EFHD2: variants seen among roughly 807,000 people sequenced by gnomAD.
EFHD2 encodes the protein EF-hand domain-containing protein D2.
A neutral mutation model predicts 20.3 loss-of-function variants in EFHD2; 12 were observed. That is an observed-to-expected ratio of 0.59 (90% CI 0.38 to 0.96). The LOEUF is 0.96. EFHD2 is among the 40% of genes least tolerant of loss of function. The probability of loss-of-function intolerance (pLI) is 0.00; values close to 1 mark genes in which losing one functional copy is unlikely to be tolerated. For synonymous variants in EFHD2, 131 were observed against 143.9 expected, an observed-to-expected ratio of 0.91 and a Z score of 0.64; for missense variants, 250 against 334.3, an observed-to-expected ratio of 0.75 and a Z score of 1.97.
chr1:15,411,172 G>T (rs1405048525), intron 1 of EFHD2, among the ~76,000 whole-genome samples: 3 of 146,390 alleles, frequency 2.0e-5, no homozygotes, highest in Middle Eastern at 3.5e-3. Context: ...CTGTCGCAAG[G>T]CCCCCCATCT....
intron 2 of EFHD2, 134 bp from the exon 3 acceptor site, chr1:15,427,016 G>T (rs1376228301): frequency 5.6e-6 from 7 of 1,246,264 alleles, no homozygotes; most frequent in Middle Eastern, 2.8e-4. Context: ...GCAGCAAGGG[G>T]CGAGACCCAG....
At position 15,410,150 on chromosome 1, in the gene EFHD2, T is replaced by C. The variant is rs961832273; in HGVS notation, c.179T>C (p.Leu60Pro). Residue 60 changes from leucine (L) to proline (P), a missense_variant, in exon 1 of 4, where the codon CTG (leucine) becomes CCG (proline). By Grantham distance (98) the Leu-to-Pro change is moderately conservative (BLOSUM62 -3). Transcript: ENST00000375980. ...GACTGCGAGCTGAGCGCCAAGCTGCTGCGGCGCGCAGACCTCAACCAGGGC... is the reference window on the plus strand; with the variant it reads ...GACTGCGAGCTGAGCGCCAAGCTGCCGCGGCGCGCAGACCTCAACCAGGGC... Reference protein sequence around the residue: ...SADCELSAKLLRRADLNQGIG... With the variant: ...SADCELSAKLPRRADLNQGIG... 1 of 1,598,438 alleles carries C rather than the reference T, an allele frequency of 6.3e-7. No individual in the cohort carries two copies.
rs191368883 is a variant in EFHD2, at chr1:15,425,450, G to A, written c.309-421G>A. Among the ~76,000 whole-genome samples the A allele has an allele frequency of 3.0e-3, 458 of 152,050 alleles. 4 individuals are homozygous for A. The highest frequency in any genetic ancestry group is 4.2e-3 in the Non-Finnish European group (286 of 67,966). ...TGAGGCAGGAGAATCACTTGAACCC[G>A]GGAGGCGGAGGCTGCAGCGAGCCGA... is the stretch of plus-strand genomic sequence containing the variant. On this transcript the variant is annotated intron_variant, in intron 1 of 3. Coordinates refer to ENST00000375980, the MANE Select transcript of EFHD2 (RefSeq NM_024329.6).
chr1:15,425,140 G>C (rs928321964), intron 1 of EFHD2, among the ~76,000 whole-genome samples: 9 of 152,152 alleles, frequency 5.9e-5, no homozygotes, highest in Non-Finnish European at 7.3e-5. Flanking sequence ...TGTCCTCCAA[G>C]TGCCCATGGA....
chr1:15,418,639 C>CG lies in EFHD2; in HGVS notation c.309-7232_309-7231insG, dbSNP rs1553132496. On this transcript the variant is annotated intron_variant, in intron 1 of 3. Transcript: ENST00000375980. The stretch of plus-strand genomic sequence containing the variant: ...TAATAGTTCCAAAGCCAAGATAGGC[C>CG]CCCCCTTAAGTAAGCAATGAGCTTC... Among the ~76,000 whole-genome samples, 1,125 of 149,896 alleles carry CG rather than the reference C, an allele frequency of 7.5e-3. 18 individuals are homozygous for CG. The highest frequency in any genetic ancestry group is 0.024 in the African/African-American group (974 of 40,876).
At chr1:15,416,138 C>G (rs2496323) in intron 1 of EFHD2, among the ~76,000 whole-genome samples, 1,800 of 152,316 alleles carry the variant, frequency 0.012, 35 homozygotes, top group African/African-American at 0.041. Flanking sequence ...TTCCCCACAC[C>G]CCCGGCCCAG....
In EFHD2 at chr1:15,426,448, C is replaced by G. The variant is rs946257655; in HGVS notation, c.456+430C>G. Among the ~76,000 whole-genome samples the G allele has an allele frequency of 4.6e-5, 7 of 152,236 alleles. No individual in the cohort carries two copies. In the South Asian group the frequency reaches 1.0e-3, roughly 23 times the overall value. ...TCACGCCCAGGATCTCACTCCGAGA[C>G]AGGAGCTAGGGGCAAGCCGGTTTCG... On this transcript the variant is annotated intron_variant, in intron 2 of 3. Coordinates refer to ENST00000375980, the MANE Select transcript of EFHD2 (RefSeq NM_024329.6). This position sits in a 1 kb window ranked among gnomAD's most constrained non-coding sequence, Gnocchi z 4.6.
rs926563375 is a variant in EFHD2, at chr1:15,426,379, C to G, written c.456+361C>G. Among the ~76,000 whole-genome samples, 1 of 152,076 alleles carries G rather than the reference C, an allele frequency of 6.6e-6. No homozygotes were observed. Among genetic ancestry groups the G allele is most frequent in the African/African-American group, 2.4e-5 (1 of 41,400 alleles). On this transcript the variant is annotated intron_variant, in intron 2 of 3. Coordinates refer to ENST00000375980, the MANE Select transcript of EFHD2 (RefSeq NM_024329.6). This position sits in a 1 kb window ranked among gnomAD's most constrained non-coding sequence, Gnocchi z 4.6. Reference sequence around the variant, plus strand: ...AGGGGGAGACACCACAGAAGGAAATCAGGGCTGTGATGCAGAGGAAGAGGG... The same window carrying G: ...AGGGGGAGACACCACAGAAGGAAATGAGGGCTGTGATGCAGAGGAAGAGGG...
rs1707929566 is a variant in EFHD2, at chr1:15,429,412, G to A, written c.*688G>A. 1 of 152,818 alleles carries A rather than the reference G, an allele frequency of 6.5e-6. No homozygotes were observed. The highest frequency in any genetic ancestry group is 2.4e-5 in the African/African-American group (1 of 41,462). 9.5% of individuals were successfully genotyped at this position (152,818 alleles called of 1,614,324 possible). ...TGGGGCCCAGCCAGGCAGGGTGTGG[G>A]GGCAGCTGTGCCAATCTACCTCACA... On this transcript the variant is annotated 3_prime_UTR_variant, in exon 4 of 4. Transcript: ENST00000375980.
In EFHD2 at chr1:15,410,279, A is replaced by G. The variant is rs1280059680; in HGVS notation, c.308A>G (p.Gln103Arg). The G allele has an allele frequency of 3.8e-6, 6 of 1,592,920 alleles. No individual in the cohort carries two copies. The highest frequency in any genetic ancestry group is 1.1e-5 in the South Asian group (1 of 88,644). The change falls in exon 1 of 4, where the codon CAG becomes CGG. Residue 103 changes from glutamine to arginine, a missense_variant and splice_region_variant. Physicochemically the swap from Gln to Arg is conservative, Grantham distance 43 (BLOSUM62 1). Transcript: ENST00000375980. ...AAGGACATGGAGAAGATGTTCAAGCAGTAAGTGCCCGCGCGACCCGGCCCC... is the reference window on the plus strand; with the variant it reads ...AAGGACATGGAGAAGATGTTCAAGCGGTAAGTGCCCGCGCGACCCGGCCCC... ...QIKDMEKMFK[Q>R]YDAGRDGFID...
chr1:15,419,574 G>A (rs946671850), intron 1 of EFHD2, among the ~76,000 whole-genome samples: 7 of 152,222 alleles, frequency 4.6e-5, no homozygotes, highest in African/African-American at 1.7e-4. Context: ...GAATCCTGCA[G>A]TCTGCTGGCT....
intron 1 of EFHD2, among the ~76,000 whole-genome samples, chr1:15,417,492 T>C (rs568780115): frequency 2.6e-5 from 4 of 152,294 alleles, no homozygotes; most frequent in African/African-American, 9.6e-5. Flanking sequence ...AGCAAATTGC[T>C]TGGGGTCTCC....
At chr1:15,422,084 C>CCT (rs1557500519) in intron 1 of EFHD2, among the ~76,000 whole-genome samples, 2 of 128,530 alleles carry the variant, frequency 1.6e-5, no homozygotes, top group Admixed American at 8.1e-5. Flanking sequence ...CAGGTCATTC[C>CCT]ATTTTTTTTT....
intron 1 of EFHD2, among the ~76,000 whole-genome samples, chr1:15,420,690 C>T (rs947679529): frequency 3.3e-5 from 5 of 152,090 alleles, no homozygotes; most frequent in Non-Finnish European, 5.9e-5. Flanking sequence ...TGGCTAATTT[C>T]TACACTTTTA....
chr1:15,412,830 G>A (rs1380754644), intron 1 of EFHD2, among the ~76,000 whole-genome samples: 1 of 152,208 alleles, frequency 6.6e-6, no homozygotes, highest in Non-Finnish European at 1.5e-5. Context: ...TTCTGGTCTA[G>A]TTTGATGAGA....
intron 1 of EFHD2, among the ~76,000 whole-genome samples, chr1:15,418,540 T>G (rs35489138): frequency 2.7e-5 from 4 of 148,078 alleles, no homozygotes; most frequent in African/African-American, 5.0e-5. Flanking sequence ...CTCCTGACCT[T>G]GTGATCCGCC....
chr1:15,419,248 G>T (rs1340704958), intron 1 of EFHD2, among the ~76,000 whole-genome samples: 1 of 152,218 alleles, frequency 6.6e-6, no homozygotes, highest in African/African-American at 2.4e-5. Flanking sequence ...GGGATGGATG[G>T]GGATTTTGTC....
intron 1 of EFHD2, among the ~76,000 whole-genome samples, chr1:15,418,532 C>A (rs534166963): frequency 2.0e-5 from 3 of 150,170 alleles, no homozygotes; most frequent in South Asian, 2.1e-4. Flanking sequence ...GTCTCAATCT[C>A]CTGACCTTGT....
At chr1:15,418,564 C>A (rs1326817297) in intron 1 of EFHD2, among the ~76,000 whole-genome samples, 2 of 152,102 alleles carry the variant, frequency 1.3e-5, no homozygotes, top group Non-Finnish European at 2.9e-5. Flanking sequence ...CTTGGCCTCC[C>A]AAAGTGCTGG....
Sources: gnomAD v4.1 joint callset for allele counts (sites outside exome capture counted in the v4.1 genomes callset) on GRCh38, gnomAD v4.1.1 for gene constraint, Gnocchi (gnomAD v3.1) non-coding constraint, MANE v1.5 for transcripts, NCBI Gene and HGNC (gene_info 2026-07-23, HGNC 2026-07-21) for gene names.